Variants in PCSK5 observed in about 807,000 individuals in gnomAD.
PCSK5 encodes proprotein convertase subtilisin/kexin type 5.
A neutral mutation model predicts 233.2 loss-of-function variants in PCSK5; 129 were observed. That is an observed-to-expected ratio of 0.55 (90% CI 0.48 to 0.64). The LOEUF is 0.64. Ranked by LOEUF, PCSK5 falls within the 30% of genes least tolerant of loss-of-function variation. The pLI, the probability that PCSK5 is intolerant of heterozygous loss-of-function variation, is 0.00. For synonymous variants in PCSK5, 825 were observed against 879.2 expected, an observed-to-expected ratio of 0.94 and a Z score of 1.09; for missense variants, 2,076 against 2,430.1, an observed-to-expected ratio of 0.85 and a Z score of 3.06.
chr9:76,044,000 G>GT (rs1286531173), intron 5 of PCSK5, among the ~76,000 whole-genome samples: 9 of 151,910 alleles, frequency 5.9e-5, no homozygotes, highest in Non-Finnish European at 1.0e-4. Context: ...ATTAGGGACA[G>GT]TTTTTTTTAA....
Position 76,233,492 on chromosome 9 carries a change from G to GC in PCSK5, c.2766dup (p.Ser923LeufsTer5). 6.2e-7 allele frequency: 1 copy of GC among 1,612,662 alleles called. No homozygotes were observed. Among genetic ancestry groups the GC allele is most frequent in the Non-Finnish European group, 8.5e-7 (1 of 1,179,794 alleles). ...GATGATGGCCGCTGTGTTTCGAACT[G>GC]CCCCTCATGGAAATTTGAATTTGAG... is the stretch of plus-strand genomic sequence containing the variant. On this transcript the variant is annotated frameshift_variant, in exon 22 of 38. Coordinates refer to ENST00000674117, the MANE Select transcript of PCSK5 (RefSeq NM_001372043.1). LOFTEE classifies it high-confidence loss of function.
At position 75,924,901 on chromosome 9, in the gene PCSK5, G is replaced by A. The variant is rs1481124441; in HGVS notation, c.193-7478G>A. 6.6e-5 allele frequency among the ~76,000 whole-genome samples: 10 copies of A among 152,182 alleles called. No homozygotes were observed. The South Asian group carries it at 2.1e-3, about 32-fold the overall frequency. On this transcript the variant is annotated intron_variant, in intron 1 of 37. Transcript: ENST00000674117. ...CTTCATCCTTTAACTGTGTGGCCCCGGGCAGGTTCTTACACTCTGTGAGCC... is the reference window on the plus strand; with the variant it reads ...CTTCATCCTTTAACTGTGTGGCCCCAGGCAGGTTCTTACACTCTGTGAGCC...
intron 32 of PCSK5, among the ~76,000 whole-genome samples, chr9:76,323,592 T>C (rs1036175608): frequency 6.6e-6 from 1 of 152,132 alleles, no homozygotes; most frequent in African/African-American, 2.4e-5. Flanking sequence ...TCCTCTGCCT[T>C]GGGCTCCCAA....
chr9:76,350,556 GA>G (rs1473893458), intron 35 of PCSK5, among the ~76,000 whole-genome samples: 1 of 152,152 alleles, frequency 6.6e-6, no homozygotes, highest in Non-Finnish European at 1.5e-5. Context: ...CTTTCTACAT[GA>G]TTTCTCATTC....
At chr9:76,142,582 G>A (rs7872060) in intron 10 of PCSK5, among the ~76,000 whole-genome samples, 56,580 of 151,906 alleles carry the variant, frequency 0.37, 11,334 homozygotes, top group East Asian at 0.61. Flanking sequence ...CATAGTATGT[G>A]CTTAAGTAAA....
At chr9:76,303,154 T>C (rs757128318) in intron 28 of PCSK5, among the ~76,000 whole-genome samples, 18 of 152,134 alleles carry the variant, frequency 1.2e-4, no homozygotes, top group Non-Finnish European at 2.1e-4. Context: ...CTTGTACAGA[T>C]CTCCCTCTGG....
At chr9:75,991,931 A>G (rs1397494234) in intron 3 of PCSK5, among the ~76,000 whole-genome samples, 1 of 151,842 alleles carries the variant, frequency 6.6e-6, no homozygotes, top group African/African-American at 2.4e-5. Flanking sequence ...AAAAAAATGT[A>G]AAATAAAAAA....
chr9:76,080,294 G>T (rs769963727), intron 7 of PCSK5, among the ~76,000 whole-genome samples: 1 of 152,078 alleles, frequency 6.6e-6, no homozygotes, highest in East Asian at 1.9e-4. Context: ...AAAAGGCTTC[G>T]CTGGTTTTCC....
chr9:76,065,438 C>A (rs536808719), intron 5 of PCSK5, among the ~76,000 whole-genome samples: 1 of 152,084 alleles, frequency 6.6e-6, no homozygotes, highest in Non-Finnish European at 1.5e-5. Flanking sequence ...TTTTCACATA[C>A]CCGTAGTCCA....
At chr9:76,354,888 T>C (rs887640462) in intron 37 of PCSK5, among the ~76,000 whole-genome samples, 2 of 152,228 alleles carry the variant, frequency 1.3e-5, no homozygotes, top group Non-Finnish European at 2.9e-5. Flanking sequence ...TGTTCCTTTT[T>C]TTATTCTTCC....
rs1354864321 is a variant in PCSK5, at chr9:76,351,533, G to GAAAGAAGGA, written c.5067+607_5067+608insAGAAGGAAA. 1.3e-4 allele frequency among the ~76,000 whole-genome samples: 2 copies of GAAAGAAGGA among 15,824 alleles called. 1 individual carries two copies. The highest frequency in any genetic ancestry group is 5.4e-4 in the Non-Finnish European group (2 of 3,726). 10.4% of individuals were successfully genotyped at this position (15,824 alleles called of 152,430 possible). The stretch of plus-strand genomic sequence containing the variant: ...GAAAGAAAGAAAGAAAGAAAGAAAG[G>GAAAGAAGGA]AAGGAAAGAAAGAGAAAGAAGAGAG... On this transcript the variant is annotated intron_variant, in intron 36 of 37. Coordinates refer to ENST00000674117, the MANE Select transcript of PCSK5 (RefSeq NM_001372043.1).
chr9:76,044,998 G>A (rs537061574), intron 5 of PCSK5, among the ~76,000 whole-genome samples: 1 of 152,272 alleles, frequency 6.6e-6, no homozygotes, highest in Admixed American at 6.5e-5. Flanking sequence ...ACAGATCACA[G>A]TCTATTCCTT....
In PCSK5 at chr9:76,338,464, C is replaced by T. The variant is rs1360071592; in HGVS notation, c.4966+17C>T. On this transcript the variant is annotated intron_variant, in intron 35 of 37. Transcript: ENST00000674117. ...AATGCAAAGGTGAGAGTCTACCTGT[C>T]ATTTTGCATGAGTGCGTAGAAAAAT... 8 of 1,548,456 alleles carry T rather than the reference C, an allele frequency of 5.2e-6. No individual in the cohort carries two copies. The highest frequency in any genetic ancestry group is 7.1e-6 in the Non-Finnish European group (8 of 1,121,994).
chr9:76,322,615 G>T (rs1403381823), intron 31 of PCSK5, among the ~76,000 whole-genome samples: 1 of 152,168 alleles, frequency 6.6e-6, no homozygotes, highest in Admixed American at 6.5e-5. Flanking sequence ...TGTATTCATT[G>T]TTGTACCTGA....
intron 5 of PCSK5, among the ~76,000 whole-genome samples, chr9:76,061,994 C>T (rs1009449069): frequency 5.3e-5 from 8 of 152,066 alleles, no homozygotes; most frequent in Non-Finnish European, 7.4e-5. Flanking sequence ...AGTCTGTAAT[C>T]CCATTGGTTT....
chr9:76,184,518 A>G (rs931640124), intron 16 of PCSK5, among the ~76,000 whole-genome samples, 155 bp from the exon 17 acceptor site: 5 of 152,236 alleles, frequency 3.3e-5, no homozygotes, highest in African/African-American at 1.2e-4. Context: ...TTTGCTGAGA[A>G]ATGATAACAA....
chr9:76,108,898 T>C lies in PCSK5; in HGVS notation c.1208+1547T>C, dbSNP rs148602602. Among the ~76,000 whole-genome samples the C allele has an allele frequency of 1.3e-3, 203 of 152,290 alleles. 2 individuals are homozygous for C. Among genetic ancestry groups the C allele is most frequent in the Non-Finnish European group, 1.0e-4 (7 of 68,016 alleles). On this transcript the variant is annotated intron_variant, in intron 9 of 37. Coordinates refer to ENST00000674117, the MANE Select transcript of PCSK5 (RefSeq NM_001372043.1). ...GGATACAGCAAATTGCTAAGTCATG[T>C]GTTGGACTGAAACCGGGGGAAGGAC... is the stretch of plus-strand genomic sequence containing the variant.
chr9:75,984,161 A>C (rs1019135924), intron 2 of PCSK5, among the ~76,000 whole-genome samples: 8 of 152,176 alleles, frequency 5.3e-5, no homozygotes, highest in Admixed American at 1.3e-4. Context: ...ATTTTGTTCT[A>C]TTTTAGTACC....
At chr9:75,915,014 A>C (rs540317308) in intron 1 of PCSK5, among the ~76,000 whole-genome samples, 1 of 152,200 alleles carries the variant, frequency 6.6e-6, no homozygotes, top group Admixed American at 6.5e-5. Context: ...GTGACTGTTT[A>C]GGAATAAGGT....
Sources: gnomAD v4.1 joint callset for allele counts (sites outside exome capture counted in the v4.1 genomes callset) on GRCh38, gnomAD v4.1.1 for gene constraint, MANE v1.5 for transcripts, NCBI Gene and HGNC (gene_info 2026-07-23, HGNC 2026-07-21) for gene names.